Variants in SGPP2 observed in about 807,000 individuals in gnomAD.
The protein encoded by SGPP2 is sphingosine-1-phosphate phosphatase 2.
SGPP2 carries 30 observed loss-of-function variants against 33.9 expected under a neutral mutation model. That is an observed-to-expected ratio of 0.89 (90% CI 0.66 to 1.20). SGPP2 has a LOEUF of 1.20. Among genes scored for constraint, SGPP2 ranks in the 50% most tolerant of loss-of-function variants. The pLI, the probability that SGPP2 is intolerant of heterozygous loss-of-function variation, is 0.00. For missense variants in SGPP2, 458 were observed against 532.1 expected, an observed-to-expected ratio of 0.86 and a Z score of 1.37; for synonymous variants, 233 against 225.0, an observed-to-expected ratio of 1.04 and a Z score of -0.32.
chr2:222,466,322 A>G (rs1463849529), intron 1 of SGPP2, among the ~76,000 whole-genome samples: 3 of 143,286 alleles, frequency 2.1e-5, no homozygotes, highest in African/African-American at 5.2e-5. Context: ...GCAGTGGCGC[A>G]ATCTCGGCTC....
At chr2:222,490,002 GA>G (rs1042636087) in intron 2 of SGPP2, among the ~76,000 whole-genome samples, 1 of 152,064 alleles carries the variant, frequency 6.6e-6, no homozygotes, top group African/African-American at 2.4e-5. Flanking sequence ...AAAACTCTGT[GA>G]AAGCCTGAGT....
At chr2:222,454,134 A>G (rs1406172557) in intron 1 of SGPP2, among the ~76,000 whole-genome samples, 1 of 152,220 alleles carries the variant, frequency 6.6e-6, no homozygotes, top group African/African-American at 2.4e-5. Context: ...AATCCTTCAA[A>G]AATTTAAGCA....
At chr2:222,490,213 A>C (rs1166951585) in intron 2 of SGPP2, among the ~76,000 whole-genome samples, 1 of 152,154 alleles carries the variant, frequency 6.6e-6, no homozygotes, top group Non-Finnish European at 1.5e-5. Context: ...GTCACCTTTA[A>C]GATTAAAATA....
At chr2:222,491,805 G>A (rs1235816109) in intron 2 of SGPP2, among the ~76,000 whole-genome samples, 1 of 152,200 alleles carries the variant, frequency 6.6e-6, no homozygotes, top group Admixed American at 6.5e-5. Context: ...ACAGTCCAAA[G>A]TCTCATCTGA....
chr2:222,559,156 ACCGCGCCC>A lies in SGPP2; in HGVS notation c.*261_*268del, dbSNP rs1177330190. The A allele has an allele frequency of 1.8e-5, 1 of 56,278 alleles. No individual in the cohort carries two copies. Among genetic ancestry groups the A allele is most frequent in the Non-Finnish European group, 3.1e-5 (1 of 32,478 alleles). 3.5% of individuals were successfully genotyped at this position (56,278 alleles called of 1,614,324 possible). Reference sequence around the variant, plus strand: ...ATAATCCGGATCTTTAAAGGCACACACCGCGCCCCCCCCCCCCCCGCCCGGCCCCTGCT... The same window carrying A: ...ATAATCCGGATCTTTAAAGGCACACACCCCCCCCCCCGCCCGGCCCCTGCT... On this transcript the variant is annotated 3_prime_UTR_variant, in exon 5 of 5. Transcript: ENST00000321276.
At chr2:222,443,521 A>G (rs1697355836) in intron 1 of SGPP2, among the ~76,000 whole-genome samples, 3 of 152,254 alleles carry the variant, frequency 2.0e-5, no homozygotes, top group Admixed American at 6.5e-5. Context: ...AAAAGGATTT[A>G]TGAGGGGCTA....
intron 2 of SGPP2, among the ~76,000 whole-genome samples, chr2:222,516,243 G>A (rs1345865602): frequency 4.6e-5 from 7 of 151,988 alleles, no homozygotes; most frequent in Non-Finnish European, 1.0e-4. Flanking sequence ...AGAATTTTAC[G>A]TAAACAAATC....
At chr2:222,517,869 A>G (rs1698629716) in intron 2 of SGPP2, among the ~76,000 whole-genome samples, 1 of 152,130 alleles carries the variant, frequency 6.6e-6, no homozygotes, top group Non-Finnish European at 1.5e-5. Context: ...CTCCTATTTC[A>G]CTTTAACCAG....
intron 1 of SGPP2, among the ~76,000 whole-genome samples, chr2:222,441,160 G>C (rs563365191): frequency 6.6e-6 from 1 of 152,272 alleles, no homozygotes; most frequent in South Asian, 2.1e-4. Context: ...ATTCTCAATG[G>C]TGAGGCCCAG....
rs1335296109 is a variant in SGPP2 at position 222,550,468 on chromosome 2, C to G, written c.649-7879C>G. Among the ~76,000 whole-genome samples, 1 of 152,066 alleles carries G rather than the reference C, an allele frequency of 6.6e-6. No individual in the cohort carries two copies. The highest frequency in any genetic ancestry group is 1.5e-5 in the Non-Finnish European group (1 of 68,008). ...GTCACAACACAGAGAATAAATTACT[C>G]TTAACATTTTTATTTCCTTCTGACA... On this transcript the variant is annotated intron_variant, in intron 4 of 4. Transcript: ENST00000321276. This position sits in a 1 kb window ranked among gnomAD's most constrained non-coding sequence, Gnocchi z 4.5.
chr2:222,541,709 G>A (rs1023474356), intron 4 of SGPP2, among the ~76,000 whole-genome samples: 10 of 151,918 alleles, frequency 6.6e-5, no homozygotes, highest in Non-Finnish European at 1.5e-4. Flanking sequence ...TGCCTCCTGG[G>A]TGCAAGTGAT....
At chr2:222,543,851 C>A (rs546903457) in intron 4 of SGPP2, among the ~76,000 whole-genome samples, 8 of 152,148 alleles carry the variant, frequency 5.3e-5, no homozygotes, top group Admixed American at 2.0e-4. Flanking sequence ...ATTTTCGAAT[C>A]GGCTTTTCAT....
At chr2:222,537,869 T>C (rs957448139) in intron 4 of SGPP2, among the ~76,000 whole-genome samples, 9 of 152,370 alleles carry the variant, frequency 5.9e-5, no homozygotes, top group African/African-American at 2.2e-4. Flanking sequence ...TCTAATATTA[T>C]GTAATTTTTA....
At position 222,424,824 on chromosome 2, in the gene SGPP2, A is replaced by G. The variant is rs1341488352; in HGVS notation, c.219+3A>G. ...TGCGCAGAGCCGCGGCGCCGGAGGT[A>G]ACCATGGGCAGGTGTTCGCCGGGTA... On this transcript the variant is annotated splice_donor_region_variant and intron_variant, in intron 1 of 4. Coordinates refer to ENST00000321276, the MANE Select transcript of SGPP2 (RefSeq NM_152386.4). The G allele has an allele frequency of 7.4e-7, 1 of 1,355,098 alleles. No individual in the cohort carries two copies. Among genetic ancestry groups the G allele is most frequent in the Admixed American group, 3.5e-5 (1 of 28,246 alleles). The allele number at this position is 1,355,098 out of a possible 1,614,324, so 83.9% of individuals were successfully genotyped here.
chr2:222,453,014 C>G, intron 1 of SGPP2: 1 of 1,580,356 alleles, frequency 6.3e-7, no homozygotes, highest in Non-Finnish European at 8.7e-7. Flanking sequence ...CAGTTCTGGT[C>G]TTCTGTTTCT....
At chr2:222,511,194 G>T (rs1698521469) in intron 2 of SGPP2, among the ~76,000 whole-genome samples, 3 of 152,128 alleles carry the variant, frequency 2.0e-5, no homozygotes, top group Admixed American at 6.5e-5. Flanking sequence ...CAGAGCCCAT[G>T]CTGGAAGCTT....
intron 2 of SGPP2, among the ~76,000 whole-genome samples, chr2:222,479,668 G>T (rs1698000265): frequency 6.6e-6 from 1 of 151,958 alleles, no homozygotes; most frequent in Admixed American, 6.5e-5. Flanking sequence ...CTCCCAAAGT[G>T]CTGGGATTAC....
Position 222,474,740 on chromosome 2 carries a change from C to T in SGPP2, c.378+14C>T, listed in dbSNP as rs752787184. 4 of 1,597,458 alleles carry T rather than the reference C, an allele frequency of 2.5e-6. No individual in the cohort carries two copies. In the South Asian group the frequency reaches 3.4e-5, roughly 13 times the overall value. On this transcript the variant is annotated intron_variant, in intron 2 of 4. Transcript: ENST00000321276. Reference sequence around the variant, plus strand: ...ATCATATGGGTTGTAAGTATTATTACTACTCATTAACTGATGCTACTTCTA... The same window carrying T: ...ATCATATGGGTTGTAAGTATTATTATTACTCATTAACTGATGCTACTTCTA...
At chr2:222,551,177 C>T (rs577819910) in intron 4 of SGPP2, among the ~76,000 whole-genome samples, 13 of 152,102 alleles carry the variant, frequency 8.5e-5, no homozygotes, top group South Asian at 8.3e-4. Context: ...TTCCTCTCTT[C>T]TCCCTATCCC....
Sources: allele counts gnomAD v4.1 joint callset (sites outside exome capture counted in the v4.1 genomes callset), GRCh38; gene constraint gnomAD v4.1.1; non-coding constraint Gnocchi (gnomAD v3.1); transcripts MANE v1.5; gene names NCBI Gene and HGNC (gene_info 2026-07-23, HGNC 2026-07-21).